DTNBP1: variants seen among roughly 807,000 people sequenced by gnomAD.
DTNBP1 encodes dystrobrevin binding protein 1.
Under a neutral mutation model 42.8 loss-of-function variants are expected in DTNBP1, and 35 were observed. The observed-to-expected ratio is 0.82, with a 90% confidence interval of 0.63 to 1.09. The LOEUF is 1.09. Among genes scored for constraint, DTNBP1 ranks in the 50% least tolerant of loss-of-function variants. The pLI is 0.00. For missense variants in DTNBP1, 457 were observed against 424.2 expected (o/e 1.08, Z -0.68); for synonymous variants, 171 against 162.2 (o/e 1.05, Z -0.41).
At chr6:15,566,701 CT>C (rs368168358) in intron 7 of DTNBP1, among the ~76,000 whole-genome samples, 458 of 132,982 alleles carry the variant, frequency 3.4e-3, no homozygotes, top group Admixed American at 9.4e-3. Flanking sequence ...AATGAATCTC[CT>C]TTTTTTTTTT....
chr6:15,543,324 T>C (rs1773686060), intron 7 of DTNBP1, among the ~76,000 whole-genome samples: 2 of 152,284 alleles, frequency 1.3e-5, no homozygotes, highest in South Asian at 4.1e-4. Flanking sequence ...ATAATTCTGG[T>C]ATAAGGTCAA....
At chr6:15,646,923 C>T (rs1295525461) in intron 3 of DTNBP1, among the ~76,000 whole-genome samples, 1 of 151,862 alleles carries the variant, frequency 6.6e-6, no homozygotes, top group African/African-American at 2.4e-5. Context: ...TAGAAGAAAA[C>T]CTAGAAAAAA....
intron 7 of DTNBP1, among the ~76,000 whole-genome samples, chr6:15,589,279 T>G (rs1776200913): frequency 6.6e-6 from 1 of 152,228 alleles, no homozygotes; most frequent in African/African-American, 2.4e-5. Context: ...TTTACTCAAA[T>G]TTAGCCATCA....
chr6:15,595,970 G>A (rs910943098), intron 6 of DTNBP1, among the ~76,000 whole-genome samples: 16 of 152,186 alleles, frequency 1.1e-4, no homozygotes, highest in Admixed American at 3.9e-4. Flanking sequence ...TAGGAAGAAC[G>A]TTCTAGCTGT....
At chr6:15,559,524 A>G (rs1774721753) in intron 7 of DTNBP1, among the ~76,000 whole-genome samples, 1 of 152,190 alleles carries the variant, frequency 6.6e-6, no homozygotes, top group Admixed American at 6.5e-5. Context: ...GCTTCAAAGC[A>G]CTTCCCAAAG....
chr6:15,581,345 A>G (rs528624635), intron 7 of DTNBP1, among the ~76,000 whole-genome samples: 57 of 151,566 alleles, frequency 3.8e-4, no homozygotes, highest in Non-Finnish European at 7.7e-4. Context: ...ACGCCTGGCT[A>G]ATTTCTGTAT....
At chr6:15,549,773 C>T (rs1430882260) in intron 7 of DTNBP1, among the ~76,000 whole-genome samples, 1 of 152,188 alleles carries the variant, frequency 6.6e-6, no homozygotes, top group Non-Finnish European at 1.5e-5. Flanking sequence ...AGAGAAGATC[C>T]TTTCAACTCT....
At chr6:15,551,980 A>G (rs1774237906) in intron 7 of DTNBP1, among the ~76,000 whole-genome samples, 2 of 152,222 alleles carry the variant, frequency 1.3e-5, no homozygotes, top group Non-Finnish European at 2.9e-5. Context: ...AAACAGCAGC[A>G]CAGCTGACGG....
chr6:15,652,350 C>CT (rs1761051759), intron 1 of DTNBP1, among the ~76,000 whole-genome samples: 1 of 151,866 alleles, frequency 6.6e-6, no homozygotes, highest in Non-Finnish European at 1.5e-5. Context: ...TGGGTAATTT[C>CT]TTTTTTTATT....
chr6:15,523,978 G>A lies in DTNBP1; in HGVS notation c.811+548C>T, dbSNP rs905299671. ...TGGTCTGAAATTTGAAACGCACCAA[G>A]CCCAGGTACAGGTCTGGCACCTCAG... is the stretch of plus-strand genomic sequence containing the variant. On this transcript the variant is annotated intron_variant, in intron 9 of 9. Transcript: ENST00000344537. 30 of 1,287,536 alleles carry A rather than the reference G, an allele frequency of 2.3e-5. 1 individual carries two copies. Among genetic ancestry groups the A allele is most frequent in the South Asian group, 2.0e-4 (16 of 80,950 alleles). The allele number at this position is 1,287,536 out of a possible 1,614,324, so 79.8% of individuals were successfully genotyped here.
intron 1 of DTNBP1, among the ~76,000 whole-genome samples, chr6:15,654,762 T>C (rs909276195): frequency 6.6e-6 from 1 of 152,216 alleles, no homozygotes; most frequent in South Asian, 2.1e-4. Context: ...GTTTTAAAAA[T>C]TGGTCTTTAA....
intron 7 of DTNBP1, 109 bp downstream of exon 7, chr6:15,592,950 T>A: frequency 8.6e-7 from 1 of 1,162,808 alleles, no homozygotes; most frequent in Non-Finnish European, 1.2e-6. Flanking sequence ...AGTTTTACTG[T>A]TTTATGTAAA....
chr6:15,627,287 C>T, intron 5 of DTNBP1, 56 bp downstream of exon 5: 1 of 1,603,450 alleles, frequency 6.2e-7, no homozygotes, highest in Non-Finnish European at 8.5e-7. Flanking sequence ...ACACCAAACC[C>T]TGCCCAAGTT....
intron 7 of DTNBP1, among the ~76,000 whole-genome samples, chr6:15,565,830 T>G (rs1775046120): frequency 6.6e-6 from 1 of 152,368 alleles, no homozygotes; most frequent in Non-Finnish European, 1.5e-5. Context: ...AATTTATGGC[T>G]TGTAGATTAT....
intron 3 of DTNBP1, among the ~76,000 whole-genome samples, chr6:15,643,772 G>A (rs1321192855): frequency 6.6e-6 from 1 of 152,042 alleles, no homozygotes; most frequent in African/African-American, 2.4e-5. Context: ...TGGACCTACA[G>A]GAAATGCTCA....
At chr6:15,620,075 T>A (rs1019640376) in intron 5 of DTNBP1, among the ~76,000 whole-genome samples, 2 of 152,164 alleles carry the variant, frequency 1.3e-5, no homozygotes, top group African/African-American at 4.8e-5. Flanking sequence ...ACAAGCAGTT[T>A]AGCAGTTTTC....
At chr6:15,578,488 G>A (rs536199872) in intron 7 of DTNBP1, among the ~76,000 whole-genome samples, 2 of 152,316 alleles carry the variant, frequency 1.3e-5, no homozygotes, top group Admixed American at 6.5e-5. Context: ...CATACACCAT[G>A]CAGGCAGGAT....
At chr6:15,574,098 G>A (rs748767392) in intron 7 of DTNBP1, among the ~76,000 whole-genome samples, 10 of 152,126 alleles carry the variant, frequency 6.6e-5, no homozygotes, top group Non-Finnish European at 1.3e-4. Context: ...CTTCAAAATC[G>A]GAACAGATAC....
intron 6 of DTNBP1, among the ~76,000 whole-genome samples, chr6:15,606,636 C>T (rs1251443389): frequency 6.6e-6 from 1 of 152,182 alleles, no homozygotes; most frequent in Non-Finnish European, 1.5e-5. Context: ...CTTTCATTCT[C>T]CCACTCTCCC....
Sources: allele counts gnomAD v4.1 joint callset (sites outside exome capture counted in the v4.1 genomes callset), GRCh38; gene constraint gnomAD v4.1.1; transcripts MANE v1.5; gene names NCBI Gene and HGNC (gene_info 2026-07-23, HGNC 2026-07-21).